The following KALRN variants were observed in gnomAD, a reference collection of about 807,000 sequenced individuals.
KALRN encodes kalirin RhoGEF kinase, also known as kalirin.
A neutral mutation model predicts 353.7 loss-of-function variants in KALRN; 70 were observed. The ratio of observed to expected loss-of-function variants is 0.20; its 90% CI spans 0.16 to 0.24. The LOEUF (loss-of-function observed/expected upper bound fraction) is 0.24. Among genes scored for constraint, KALRN ranks in the 10% least tolerant of loss-of-function variants. The pLI is 1.00. For synonymous variants in KALRN, 1,391 were observed against 1,434.8 expected, an observed-to-expected ratio of 0.97 and a Z score of 0.69; for missense variants, 2,791 against 3,756.7, an observed-to-expected ratio of 0.74 and a Z score of 6.72.
At chr3:124,666,358 T>A in intron 45 of KALRN, 91 bp from the exon 46 acceptor site, 1 of 1,161,750 alleles carries the variant, frequency 8.6e-7, no homozygotes, top group Non-Finnish European at 1.3e-6. Flanking sequence ...CTGTTGCCCG[T>A]ATCCCCAGAT....
intron 58 of KALRN, among the ~76,000 whole-genome samples, chr3:124,716,341 T>C (rs1162526037): frequency 6.6e-6 from 1 of 152,164 alleles, no homozygotes; most frequent in Non-Finnish European, 1.5e-5. Context: ...CTGGCCAACA[T>C]GGCAAAACTC....
At chr3:124,677,716 G>A (rs1333650973) in intron 49 of KALRN, 2 of 419,950 alleles carry the variant, frequency 4.8e-6, no homozygotes, top group Non-Finnish European at 9.4e-6. Flanking sequence ...TCATGAGGTA[G>A]AACTCTCAAT....
At chr3:124,290,280 G>A (rs540632953) in intron 5 of KALRN, among the ~76,000 whole-genome samples, 5 of 152,304 alleles carry the variant, frequency 3.3e-5, no homozygotes, top group African/African-American at 7.2e-5. Context: ...GGGGCAGACA[G>A]GGTGGAATTT....
intron 1 of KALRN, among the ~76,000 whole-genome samples, chr3:124,217,354 C>T (rs2077430471): frequency 6.6e-6 from 1 of 152,172 alleles, no homozygotes; most frequent in Non-Finnish European, 1.5e-5. Context: ...AGGAATCTTT[C>T]CATGGCTAAT....
chr3:124,641,366 T>C (rs2149967828), intron 37 of KALRN, among the ~76,000 whole-genome samples: 1 of 152,346 alleles, frequency 6.6e-6, no homozygotes. Flanking sequence ...TTCTGGGTTT[T>C]GCATTAAGGG....
rs2063342750 is a variant in KALRN at position 124,720,884 on chromosome 3, C to G, written c.*1414C>G. 1 of 152,016 alleles carries G rather than the reference C, an allele frequency of 6.6e-6. No individual in the cohort carries two copies. The highest frequency in any genetic ancestry group is 2.4e-5 in the African/African-American group (1 of 41,402). The allele number at this position is 152,016 out of a possible 1,614,324, so 9.4% of individuals were successfully genotyped here. ...CTTGTTTTTTGTGTTTGTACATGAT[C>G]CACCCTTAGTTTTCTAGAATGTGTG... On this transcript the variant is annotated 3_prime_UTR_variant, in exon 60 of 60. Coordinates refer to ENST00000682506, the MANE Select transcript of KALRN (RefSeq NM_001388419.1).
intron 28 of KALRN, among the ~76,000 whole-genome samples, chr3:124,486,813 A>G (rs1376368797): frequency 2.0e-5 from 3 of 152,326 alleles, no homozygotes; most frequent in African/African-American, 2.4e-5. Flanking sequence ...AAGAGAGCCA[A>G]TTGGTCATGA....
At chr3:124,660,595 C>T (rs924198156) in intron 43 of KALRN, among the ~76,000 whole-genome samples, 7 of 148,416 alleles carry the variant, frequency 4.7e-5, no homozygotes, top group African/African-American at 1.0e-4. Flanking sequence ...GCAGGAGAAT[C>T]GCTTGAACCT....
At chr3:124,717,639 T>C (rs1055249872) in intron 59 of KALRN, among the ~76,000 whole-genome samples, 4 of 151,218 alleles carry the variant, frequency 2.6e-5, no homozygotes, top group Non-Finnish European at 4.4e-5. Context: ...GAGCTTGCAG[T>C]GAGCCGAGAT....
chr3:124,717,825 T>A (rs1046478573), intron 59 of KALRN, among the ~76,000 whole-genome samples: 4 of 152,120 alleles, frequency 2.6e-5, no homozygotes, highest in African/African-American at 7.2e-5. Flanking sequence ...AACTTTTTTT[T>A]ATTTGAGACA....
chr3:124,340,102 G>A (rs1403094644), intron 9 of KALRN, among the ~76,000 whole-genome samples: 2 of 152,186 alleles, frequency 1.3e-5, no homozygotes, highest in Non-Finnish European at 2.9e-5. Context: ...TTTACATAGA[G>A]CTTACAGTCA....
chr3:124,577,075 G>A (rs2074180802), intron 34 of KALRN, among the ~76,000 whole-genome samples: 2 of 152,250 alleles, frequency 1.3e-5, no homozygotes, highest in East Asian at 3.9e-4. Flanking sequence ...CTTGTTGCCA[G>A]CAGTTCTTCC....
chr3:124,268,888 A>C lies in KALRN; in HGVS notation c.602A>C (p.His201Pro). 6.2e-7 allele frequency: 1 copy of C among 1,613,836 alleles called. No homozygotes were observed. Among genetic ancestry groups the C allele is most frequent in the Non-Finnish European group, 8.5e-7 (1 of 1,179,954 alleles). Residue 201 changes from histidine (H) to proline (P), a missense_variant, in exon 5 of 60, where the codon CAC becomes CCC. His to Pro is a moderately conservative substitution (Grantham distance 77). This residue lies in a region of KALRN where 366 missense variants were observed against 489.2 expected (regional missense o/e 0.75). Coordinates refer to ENST00000682506, the MANE Select transcript of KALRN (RefSeq NM_001388419.1). ...SLEEFFNSAV[H>P]LLSRLEDLQE... ...GAGGAGTTCTTCAACAGCGCCGTGCACCTGCTCTCGCGCCTCGAGGACCTC... is the reference window on the plus strand; with the variant it reads ...GAGGAGTTCTTCAACAGCGCCGTGCCCCTGCTCTCGCGCCTCGAGGACCTC...
chr3:124,207,328 T>C (rs1420481083), intron 1 of KALRN, among the ~76,000 whole-genome samples: 2 of 152,224 alleles, frequency 1.3e-5, no homozygotes, highest in Non-Finnish European at 2.9e-5. Flanking sequence ...AGGTGGGGTT[T>C]CAGAGCACAG....
intron 18 of KALRN, among the ~76,000 whole-genome samples, chr3:124,440,063 G>A (rs896940076): frequency 2.0e-5 from 3 of 151,262 alleles, no homozygotes; most frequent in African/African-American, 4.9e-5. Flanking sequence ...TTTTAAGCTG[G>A]CCTCTCCCTG....
chr3:124,397,584 C>A (rs1282289261), intron 12 of KALRN, among the ~76,000 whole-genome samples: 1 of 152,184 alleles, frequency 6.6e-6, no homozygotes, highest in Admixed American at 6.6e-5. Flanking sequence ...TTTTAGGGCT[C>A]TAGCTTACTC....
intron 5 of KALRN, among the ~76,000 whole-genome samples, chr3:124,293,088 C>A (rs2076558486): frequency 6.6e-6 from 1 of 152,170 alleles, no homozygotes; most frequent in Non-Finnish European, 1.5e-5. Context: ...GGTTCACCCG[C>A]AAGGAGGTTG....
In KALRN at chr3:124,122,568, A is replaced by G. The variant is rs1560010034; in HGVS notation, c.73+88755A>G. ...ATGTCACATTTTGGTAATTTTCACA[A>G]TATTTCAAACTGTTTCATTATTATT... On this transcript the variant is annotated intron_variant, in intron 1 of 59. Coordinates refer to ENST00000682506, the MANE Select transcript of KALRN (RefSeq NM_001388419.1). Among the ~76,000 whole-genome samples, 3 of 152,144 alleles carry G rather than the reference A, an allele frequency of 2.0e-5. No homozygotes were observed. In the South Asian group the frequency reaches 6.2e-4, roughly 32 times the overall value.
At chr3:124,034,718 C>T (rs1431582581) in intron 1 of KALRN, among the ~76,000 whole-genome samples, 1 of 152,106 alleles carries the variant, frequency 6.6e-6, no homozygotes, top group East Asian at 1.9e-4. Context: ...TTCCCCGTCT[C>T]CCTGTACCTG....
Sources: gnomAD v4.1 joint callset for allele counts (sites outside exome capture counted in the v4.1 genomes callset) on GRCh38, gnomAD v4.1.1 for gene constraint, gnomAD v4.1.1 regional missense constraint, MANE v1.5 for transcripts, NCBI Gene and HGNC (gene_info 2026-07-23, HGNC 2026-07-21) for gene names.